Variants in CPS1 observed in about 807,000 individuals in gnomAD.
CPS1 encodes carbamoyl-phosphate synthase 1, also known as carbamoyl-phosphate synthase [ammonia], mitochondrial.
A neutral mutation model predicts 174.6 loss-of-function variants in CPS1; 109 were observed. The observed-to-expected ratio is 0.62, with a 90% CI of 0.53 to 0.73. The LOEUF is 0.73. Among genes scored for constraint, CPS1 ranks in the 30% least tolerant of loss-of-function variants. The pLI, the probability that CPS1 is intolerant of heterozygous loss-of-function variation, is 0.00. For synonymous variants in CPS1, 637 were observed against 632.0 expected, an observed-to-expected ratio of 1.01 and a Z score of -0.12; for missense variants, 1,689 against 1,821.9, an observed-to-expected ratio of 0.93 and a Z score of 1.33.
At chr2:210,579,935 C>A in intron 5 of CPS1, 165 bp downstream of exon 5, 1 of 642,464 alleles carries the variant, frequency 1.6e-6, no homozygotes. Context: ...ACTATTTTCA[C>A]TGTAATTTTC....
chr2:210,660,650 A>T lies in CPS1; in HGVS notation c.3922A>T (p.Ile1308Phe), dbSNP rs1198485122. 1 of 1,613,852 alleles carries T rather than the reference A, an allele frequency of 6.2e-7. No homozygotes were observed. The highest frequency in any genetic ancestry group is 8.5e-7 in the Non-Finnish European group (1 of 1,179,844). ...HPIIPADYVA[I>F]KAPMFSWPRL... Reference sequence around the variant, plus strand: ...CATAATTCCTGCTGACTATGTTGCAATTAAGGTAACATTTTCAAAAATTTA... The same window carrying T: ...CATAATTCCTGCTGACTATGTTGCATTTAAGGTAACATTTTCAAAAATTTA... The change falls in exon 32 of 38, where the codon ATT becomes TTT. Residue 1308 changes from isoleucine to phenylalanine, a missense_variant. Coordinates refer to ENST00000233072, the MANE Select transcript of CPS1 (RefSeq NM_001875.5).
chr2:210,579,858 A>AAAC, intron 5 of CPS1, 88 bp downstream of exon 5: 1 of 1,043,714 alleles, frequency 9.6e-7, no homozygotes, highest in Non-Finnish European at 1.5e-6. Context: ...TGCCTAAGGG[A>AAAC]TCCATTAATA....
chr2:210,547,890 C>T (rs956713884), intron 1 of CPS1, among the ~76,000 whole-genome samples: 12 of 152,008 alleles, frequency 7.9e-5, no homozygotes, highest in African/African-American at 2.9e-4. Context: ...CTTCATATTC[C>T]TATGTTACAG....
At chr2:210,480,792 T>C (rs1382282115) in intron 1 of CPS1, among the ~76,000 whole-genome samples, 2 of 152,198 alleles carry the variant, frequency 1.3e-5, no homozygotes, top group Non-Finnish European at 2.9e-5. Context: ...CTCAAAGAAG[T>C]GTAAAGCAAG....
rs1355862440 is a variant in CPS1, at chr2:210,602,310, T to C, written c.1816T>C (p.Leu606=). The change falls in exon 16 of 38, where the codon TTG becomes CTG. Residue 606 remains leucine, a synonymous_variant. Coordinates refer to ENST00000233072, the MANE Select transcript of CPS1 (RefSeq NM_001875.5). ...GSGICPNRET[L]MDLSTKAFAM... ...AGGCATCTGTCCCAACAGAGAGACT[T>C]TGATGGACCTCAGCACAAAGGTATG... The C allele has an allele frequency of 9.9e-6, 16 of 1,612,594 alleles. No homozygotes were observed. The highest frequency in any genetic ancestry group is 1.2e-5 in the Non-Finnish European group (14 of 1,179,038).
intron 1 of CPS1, among the ~76,000 whole-genome samples, chr2:210,529,705 A>G (rs1183871464): frequency 6.6e-6 from 1 of 152,016 alleles, no homozygotes; most frequent in African/African-American, 2.4e-5. Context: ...ACTTCACATT[A>G]GAAGTAGAAA....
At chr2:210,593,745 G>A (rs1427663807) in intron 11 of CPS1, 49 of 748,284 alleles carry the variant, frequency 6.5e-5, no homozygotes, top group Non-Finnish European at 7.2e-5. Context: ...CTGAATTGCC[G>A]TTTTAGATAT....
intron 1 of CPS1, among the ~76,000 whole-genome samples, chr2:210,542,371 T>C (rs937235006): frequency 8.5e-5 from 13 of 152,130 alleles, no homozygotes; most frequent in African/African-American, 3.1e-4. Flanking sequence ...TTCACAGATA[T>C]TAGTTTAAAC....
chr2:210,668,185 G>C lies in CPS1; in HGVS notation c.4003-1G>C, dbSNP rs1553518720. 5 of 1,610,036 alleles carry C rather than the reference G, an allele frequency of 3.1e-6. No homozygotes were observed. The highest frequency in any genetic ancestry group is 4.2e-6 in the Non-Finnish European group (5 of 1,176,850). ...TTAATTTTTTATTTATTTCTAAACA[G>C]GTGGCTTGCTTTGGTGAAGGTATTC... On this transcript the variant is annotated splice_acceptor_variant, in intron 33 of 37. Coordinates refer to ENST00000233072, the MANE Select transcript of CPS1 (RefSeq NM_001875.5). LOFTEE classifies it high-confidence loss of function.
intron 32 of CPS1, among the ~76,000 whole-genome samples, chr2:210,661,487 A>G (rs1048993453): frequency 2.6e-5 from 4 of 152,196 alleles, no homozygotes; most frequent in Non-Finnish European, 5.9e-5. Flanking sequence ...TATATGTACT[A>G]GTGACTTCAA....
At chr2:210,662,854 G>T (rs908775039) in intron 32 of CPS1, among the ~76,000 whole-genome samples, 2 of 152,180 alleles carry the variant, frequency 1.3e-5, no homozygotes, top group Non-Finnish European at 2.9e-5. Context: ...TAGAAACACT[G>T]GTCCAGACTG....
chr2:210,505,428 T>G (rs576933929), intron 1 of CPS1, among the ~76,000 whole-genome samples: 142 of 152,026 alleles, frequency 9.3e-4, no homozygotes, highest in African/African-American at 3.4e-3. Flanking sequence ...TCGGGCCAAA[T>G]AGGAACAGCT....
At chr2:210,518,150 A>G (rs1287933536) in intron 1 of CPS1, among the ~76,000 whole-genome samples, 1 of 151,998 alleles carries the variant, frequency 6.6e-6, no homozygotes, top group Non-Finnish European at 1.5e-5. Flanking sequence ...TTTGTCACTA[A>G]TATTTCTCAA....
chr2:210,678,324 T>C lies in CPS1; in HGVS notation c.*339T>C, dbSNP rs1424941407. The C allele has an allele frequency of 5.3e-6, 2 of 374,268 alleles. No homozygotes were observed. The highest frequency in any genetic ancestry group is 8.1e-5 in the Admixed American group (2 of 24,648). 23.2% of individuals were successfully genotyped at this position (374,268 alleles called of 1,614,324 possible). A position where few individuals can be genotyped will look rare whatever the true frequency, so the allele number is the denominator to read the frequency against. On this transcript the variant is annotated 3_prime_UTR_variant, in exon 38 of 38. Transcript: ENST00000233072. ...TAGGAAAAGTTGCTGTTCTATTTTC[T>C]GAACTCTTTCTATACTTTAAGATAC...
chr2:210,648,598 G>T (rs376878886), intron 27 of CPS1, 58 bp downstream of exon 27: 89 of 1,299,280 alleles, frequency 6.8e-5, no homozygotes, highest in Non-Finnish European at 9.7e-5. Context: ...ATACAGAAAT[G>T]CATGCTGTAT....
At chr2:210,674,559 C>T (rs572617923) in intron 34 of CPS1, 9 of 292,630 alleles carry the variant, frequency 3.1e-5, no homozygotes, top group Middle Eastern at 1.1e-3. Flanking sequence ...GCTCCTAACC[C>T]GCATATCTTT....
At chr2:210,593,967 T>C (rs972457170) in intron 11 of CPS1, among the ~76,000 whole-genome samples, 1 of 151,936 alleles carries the variant, frequency 6.6e-6, no homozygotes, top group African/African-American at 2.4e-5. Flanking sequence ...TGTAATAATA[T>C]CCACTGTCAC....
At chr2:210,613,956 AC>A (rs1165808375) in intron 20 of CPS1, among the ~76,000 whole-genome samples, 2 of 151,858 alleles carry the variant, frequency 1.3e-5, no homozygotes, top group Non-Finnish European at 2.9e-5. Context: ...GAGTGTAAGG[AC>A]GGTGGAGGGC....
intron 3 of CPS1, 129 bp from the exon 4 acceptor site, chr2:210,577,292 C>A: frequency 4.2e-6 from 3 of 717,228 alleles, no homozygotes; most frequent in Non-Finnish European, 4.9e-6. Flanking sequence ...TTTTTTGCCT[C>A]TTGTTTTTAA....
Sources: gnomAD v4.1 joint callset for allele counts (sites outside exome capture counted in the v4.1 genomes callset) on GRCh38, gnomAD v4.1.1 for gene constraint, MANE v1.5 for transcripts, NCBI Gene and HGNC (gene_info 2026-07-23, HGNC 2026-07-21) for gene names.